The following ELMO1 variants were observed in gnomAD, a reference collection of about 807,000 sequenced individuals.
The protein encoded by ELMO1 is engulfment and cell motility protein 1.
ELMO1 carries 26 observed loss-of-function variants against 98.9 expected under a neutral mutation model. The ratio of observed to expected loss-of-function variants is 0.26; its 90% CI spans 0.19 to 0.36. ELMO1 has a LOEUF of 0.36. Ranked by LOEUF, ELMO1 falls within the 10% of genes least tolerant of loss-of-function variation. The pLI, the probability that ELMO1 is intolerant of heterozygous loss-of-function variation, is 1.00. For missense variants in ELMO1, 627 were observed against 935.2 expected (o/e 0.67, Z 4.30); for synonymous variants, 346 against 346.0 (o/e 1.00, Z 0.00).
intron 16 of ELMO1, among the ~76,000 whole-genome samples, chr7:36,948,840 A>G (rs1787730371): frequency 6.6e-6 from 1 of 152,150 alleles, no homozygotes; most frequent in Non-Finnish European, 1.5e-5. Context: ...TATAGAAGGT[A>G]CTGCTCACTC....
At chr7:37,252,198 C>T (rs148548057) in intron 6 of ELMO1, among the ~76,000 whole-genome samples, 205 of 152,270 alleles carry the variant, frequency 1.3e-3, no homozygotes, top group Non-Finnish European at 2.2e-3. Flanking sequence ...ATCAAGCTAC[C>T]ATTGACTTTC....
At chr7:37,305,054 G>A (rs892741046) in intron 4 of ELMO1, among the ~76,000 whole-genome samples, 1 of 152,160 alleles carries the variant, frequency 6.6e-6, no homozygotes, top group African/African-American at 2.4e-5. Flanking sequence ...AAGCTCTAAA[G>A]TTTTGTATGT....
chr7:37,245,796 A>C (rs1203715745), intron 6 of ELMO1, among the ~76,000 whole-genome samples: 1 of 152,160 alleles, frequency 6.6e-6, no homozygotes, highest in Non-Finnish European at 1.5e-5. Flanking sequence ...GAAAGTAAAG[A>C]AATGCTCAAA....
At position 37,003,465 on chromosome 7, in the gene ELMO1, C is replaced by T. The variant is rs771985010; in HGVS notation, c.1437+9834G>A. Among the ~76,000 whole-genome samples, 22 of 152,322 alleles carry T rather than the reference C, an allele frequency of 1.4e-4. No homozygotes were observed. The East Asian group carries it at 2.7e-3, about 19-fold the overall frequency. On this transcript the variant is annotated intron_variant, in intron 16 of 21. Coordinates refer to ENST00000310758, the MANE Select transcript of ELMO1 (RefSeq NM_014800.11). ...GGCCTCTCAACCTCTGTCCTTGCTT[C>T]GGACCTGTCTGACTTAATGACTTGG... is the stretch of plus-strand genomic sequence containing the variant.
intron 13 of ELMO1, among the ~76,000 whole-genome samples, chr7:37,166,893 T>A (rs898159499): frequency 3.9e-5 from 6 of 152,112 alleles, no homozygotes; most frequent in African/African-American, 1.4e-4. Context: ...TGGATATCCT[T>A]GTTAACTTTC....
chr7:37,051,187 G>A (rs954629881), intron 15 of ELMO1, among the ~76,000 whole-genome samples: 12 of 152,182 alleles, frequency 7.9e-5, no homozygotes, highest in African/African-American at 2.9e-4. Context: ...GAAGAAATGA[G>A]AAGTGATAAA....
intron 15 of ELMO1, among the ~76,000 whole-genome samples, chr7:37,037,282 G>A (rs1795231750): frequency 6.6e-6 from 1 of 152,208 alleles, no homozygotes; most frequent in Admixed American, 6.5e-5. Flanking sequence ...TGTGCATTAT[G>A]TGGAAGAGCC....
At chr7:36,952,758 A>T (rs1158841105) in intron 16 of ELMO1, among the ~76,000 whole-genome samples, 3 of 152,166 alleles carry the variant, frequency 2.0e-5, no homozygotes, top group Non-Finnish European at 2.9e-5. Flanking sequence ...CTTACATAAG[A>T]GAAATTCTAC....
intron 16 of ELMO1, among the ~76,000 whole-genome samples, chr7:37,009,727 T>A (rs1793414409): frequency 6.6e-6 from 1 of 152,232 alleles, no homozygotes; most frequent in Non-Finnish European, 1.5e-5. Context: ...ATGCTCTGTT[T>A]ACAGTGGCAA....
At chr7:37,286,457 G>A (rs913520038) in intron 4 of ELMO1, among the ~76,000 whole-genome samples, 13 of 152,218 alleles carry the variant, frequency 8.5e-5, no homozygotes, top group South Asian at 2.1e-4. Context: ...GCAAGACAAC[G>A]TCTTGGGGCC....
intron 1 of ELMO1, among the ~76,000 whole-genome samples, chr7:37,416,879 A>G (rs1804238551): frequency 6.6e-6 from 1 of 152,212 alleles, no homozygotes; most frequent in Admixed American, 6.5e-5. Flanking sequence ...GTTTTGTGGC[A>G]CTGAAAGAGT....
At chr7:37,238,094 G>C (rs1057090304) in intron 7 of ELMO1, among the ~76,000 whole-genome samples, 1 of 152,154 alleles carries the variant, frequency 6.6e-6, no homozygotes, top group Admixed American at 6.5e-5. Flanking sequence ...TGAACCTATA[G>C]TATAAAGATG....
chr7:37,133,150 G>A lies in ELMO1; in HGVS notation c.1171C>T (p.His391Tyr). ...CTTACCCGGATGTAGGCATCTTGGT[G>A]GTGCTTGGCAAAGTACAGCATGTTG... ...LDNMLYFAKH[H>Y]QDAYIRIVLE... is the part of the protein sequence containing the mutation. Residue 391 changes from histidine to tyrosine, a missense_variant, in exon 14 of 22, where the codon CAC becomes TAC. Coordinates refer to ENST00000310758, the MANE Select transcript of ELMO1 (RefSeq NM_014800.11). The A allele has an allele frequency of 6.2e-7, 1 of 1,611,080 alleles. No individual in the cohort carries two copies. The highest frequency in any genetic ancestry group is 8.5e-7 in the Non-Finnish European group (1 of 1,178,738).
chr7:36,876,403 T>A (rs1181959729), intron 19 of ELMO1, among the ~76,000 whole-genome samples: 5 of 152,118 alleles, frequency 3.3e-5, no homozygotes, highest in Non-Finnish European at 5.9e-5. Flanking sequence ...TATCCTTTTT[T>A]TTTTTTGGCC....
At chr7:36,880,838 G>T (rs1265405886) in intron 18 of ELMO1, among the ~76,000 whole-genome samples, 1 of 152,204 alleles carries the variant, frequency 6.6e-6, no homozygotes, top group Non-Finnish European at 1.5e-5. Flanking sequence ...AGAGTTTCAA[G>T]AGGCAAAACA....
chr7:37,279,449 A>G (rs1797026469), intron 4 of ELMO1, among the ~76,000 whole-genome samples: 1 of 152,202 alleles, frequency 6.6e-6, no homozygotes, highest in East Asian at 1.9e-4. Flanking sequence ...GAGGACCCAC[A>G]GACCCTCTGA....
At chr7:37,106,228 C>T (rs1037509329) in intron 14 of ELMO1, among the ~76,000 whole-genome samples, 15 of 152,172 alleles carry the variant, frequency 9.9e-5, no homozygotes, top group African/African-American at 3.6e-4. Flanking sequence ...AATGATGGTG[C>T]CCCTTCCGAA....
chr7:37,155,654 G>T (rs1371289906), intron 13 of ELMO1, among the ~76,000 whole-genome samples: 1 of 152,048 alleles, frequency 6.6e-6, no homozygotes, highest in Non-Finnish European at 1.5e-5. Flanking sequence ...CCCAATACAG[G>T]AGCATCCAGA....
At chr7:37,409,769 G>A (rs1479427664) in intron 1 of ELMO1, among the ~76,000 whole-genome samples, 1 of 152,154 alleles carries the variant, frequency 6.6e-6, no homozygotes, top group Non-Finnish European at 1.5e-5. Flanking sequence ...TATCACTTCT[G>A]CTATGCTCTG....
Sources: allele counts gnomAD v4.1 joint callset (sites outside exome capture counted in the v4.1 genomes callset), GRCh38; gene constraint gnomAD v4.1.1; transcripts MANE v1.5; gene names NCBI Gene and HGNC (gene_info 2026-07-23, HGNC 2026-07-21).